Variants in OPA3 observed in about 807,000 individuals in gnomAD.
The protein encoded by OPA3 is outer mitochondrial membrane lipid metabolism regulator OPA3, also known as optic atrophy 3 protein.
Under a neutral mutation model 4.0 loss-of-function variants are expected in OPA3, and 6 were observed. The observed-to-expected ratio is 1.51, with a 90% CI of 0.83 to 2.99. The LOEUF (loss-of-function observed/expected upper bound fraction) is 2.99. Among genes scored for constraint, OPA3 ranks in the 30% most tolerant of loss-of-function variants. The pLI is 0.00. For missense variants in OPA3, 235 were observed against 256.2 expected (o/e 0.92, Z 0.56); for synonymous variants, 105 against 117.1 (o/e 0.90, Z 0.67).
At chr19:45,540,640 C>T (rs901486437) in intron 1 of OPA3, among the ~76,000 whole-genome samples, 1 of 149,134 alleles carries the variant, frequency 6.7e-6, no homozygotes, top group Non-Finnish European at 1.5e-5. Context: ...CTGAGGCGGG[C>T]GGATCACCTG....
intron 1 of OPA3, among the ~76,000 whole-genome samples, chr19:45,581,101 G>A (rs560878855): frequency 2.6e-5 from 4 of 152,216 alleles, no homozygotes; most frequent in East Asian, 1.9e-4. Context: ...CTATAAACCA[G>A]AGGAAGTCAT....
chr19:45,529,566 A>G lies in OPA3; in HGVS notation c.143-110T>C, dbSNP rs540115623. ...TAGCAATGGGGATGTGGTCACCACA[A>G]TCGGACGCGTGCTGGCGGGGACGCC... is the stretch of plus-strand genomic sequence containing the variant. On this transcript the variant is annotated intron_variant, in intron 1 of 1. Coordinates refer to the OPA3 transcript ENST00000323060. 7.1e-5 allele frequency: 97 copies of G among 1,358,692 alleles called. No homozygotes were observed. In the African/African-American group the frequency reaches 1.2e-3, roughly 17 times the overall value. The allele number at this position is 1,358,692 out of a possible 1,614,324, so 84.2% of individuals were successfully genotyped here.
At chr19:45,579,323 T>G (rs1568411645) in intron 1 of OPA3, among the ~76,000 whole-genome samples, 1 of 152,082 alleles carries the variant, frequency 6.6e-6, no homozygotes, top group Non-Finnish European at 1.5e-5. Context: ...TGGGTTCAAG[T>G]GATTCTCCTG....
rs1969307881 is a variant in OPA3, at chr19:45,549,971, A to T, written c.*3543T>A. On this transcript the variant is annotated 3_prime_UTR_variant, in exon 2 of 2. Transcript: ENST00000263275. ...TCAGGAGTTCAAGATCAGCCTGGGC[A>T]ACTTGGAGAAACCCCGTCTCCACTA... 1.4e-6 allele frequency: 1 copy of T among 718,200 alleles called. No individual in the cohort carries two copies. The highest frequency in any genetic ancestry group is 1.9e-5 in the African/African-American group (1 of 52,218). 44.5% of individuals were successfully genotyped at this position (718,200 alleles called of 1,614,324 possible). A position where few individuals can be genotyped will look rare whatever the true frequency, so the allele number is the denominator to read the frequency against.
intron 1 of OPA3, among the ~76,000 whole-genome samples, chr19:45,560,904 A>G (rs1179679745): frequency 6.6e-6 from 1 of 152,188 alleles, no homozygotes; most frequent in African/African-American, 2.4e-5. Context: ...GTACTTGGCC[A>G]CAGTTAACTA....
chr19:45,575,885 C>T (rs140760963), intron 1 of OPA3, among the ~76,000 whole-genome samples: 1 of 152,320 alleles, frequency 6.6e-6, no homozygotes, highest in Non-Finnish European at 1.5e-5. Context: ...GGATAACAGG[C>T]ATGAACCACC....
intron 1 of OPA3, among the ~76,000 whole-genome samples, chr19:45,566,827 T>C (rs568609900): frequency 6.6e-6 from 1 of 152,164 alleles, no homozygotes; most frequent in African/African-American, 2.4e-5. Flanking sequence ...CCAGAAATTT[T>C]ACTCCTAGAT....
Position 45,553,630 on chromosome 19 carries a change from C to G in OPA3, c.424G>C (p.Ala142Pro), listed in dbSNP as rs535683352. ...ALEALQAQVQ[A>P]APPQGALEEL... is the part of the protein sequence containing the mutation. ...TCCAGGGCGCCCTGTGGCGGCGCCGCCTGCACCTGCGCCTGCAGCGCTTCC... is the reference window on the plus strand; with the variant it reads ...TCCAGGGCGCCCTGTGGCGGCGCCGGCTGCACCTGCGCCTGCAGCGCTTCC... Residue 142 changes from alanine (A) to proline (P), a missense_variant, in exon 2 of 2, where the codon GCG (alanine) becomes CCG (proline). Transcript: ENST00000263275. 5.0e-6 allele frequency: 8 copies of G among 1,606,430 alleles called. No homozygotes were observed. The African/African-American group carries it at 1.1e-4, about 21-fold the overall frequency.
rs181732482 is a variant in OPA3 at position 45,556,094 on chromosome 19, T to C, written c.143-2183A>G. ...ATCCTTCACAACTACTTAAGGTTAA[T>C]GAAGAAAAGTTTTACTTGTCAACTT... On this transcript the variant is annotated intron_variant, in intron 1 of 1. Coordinates refer to ENST00000263275, the MANE Select transcript of OPA3 (RefSeq NM_025136.4). Among the ~76,000 whole-genome samples the C allele has an allele frequency of 8.5e-5, 13 of 152,298 alleles. No homozygotes were observed. In the East Asian group the frequency reaches 2.1e-3, roughly 25 times the overall value.
At chr19:45,555,296 A>C (rs1969404217) in intron 1 of OPA3, among the ~76,000 whole-genome samples, 2 of 152,280 alleles carry the variant, frequency 1.3e-5, no homozygotes, top group Non-Finnish European at 2.9e-5. Context: ...GAACAAAAAG[A>C]AACCATGTGA....
At chr19:45,542,174 T>A (rs1969192905), downstream of OPA3, among the ~76,000 whole-genome samples, 1 of 152,210 alleles carries the variant, frequency 6.6e-6, no homozygotes, top group Admixed American at 6.5e-5. Flanking sequence ...TGAGCCATGC[T>A]GTGGTCCTCA....
At chr19:45,542,477 G>T (rs1969196167), downstream of OPA3, among the ~76,000 whole-genome samples, 1 of 152,134 alleles carries the variant, frequency 6.6e-6, no homozygotes, top group South Asian at 2.1e-4. Context: ...AACCTAAACA[G>T]CATGTGACTG....
At chr19:45,583,155 CTT>C (rs368045812) in intron 1 of OPA3, among the ~76,000 whole-genome samples, 8 of 145,890 alleles carry the variant, frequency 5.5e-5, no homozygotes, top group African/African-American at 1.5e-4. Flanking sequence ...CACAGATCAC[CTT>C]TTTTTTTTTT....
chr19:45,580,493 A>G (rs1024959400), intron 1 of OPA3, among the ~76,000 whole-genome samples: 3 of 150,704 alleles, frequency 2.0e-5, no homozygotes, highest in African/African-American at 4.9e-5. Context: ...GGGTTTCTCC[A>G]TGTTGGTGAG....
At chr19:45,535,140 T>C (rs1294003551) in intron 1 of OPA3, among the ~76,000 whole-genome samples, 1 of 152,158 alleles carries the variant, frequency 6.6e-6, no homozygotes, top group Non-Finnish European at 1.5e-5. Context: ...TCCATGAACA[T>C]GGTATTCTCT....
At position 45,553,581 on chromosome 19, in the gene OPA3, T is replaced by C. The variant is rs1290471043; in HGVS notation, c.473A>G (p.Glu158Gly). 6.2e-7 allele frequency: 1 copy of C among 1,612,638 alleles called. No homozygotes were observed. The highest frequency in any genetic ancestry group is 2.2e-5 in the East Asian group (1 of 44,880). ...ALEELRTELQ[E>G]VRAQLCNPGR... ...GGGATTGCAGAGCTGGGCGCGCACC[T>C]CTTGCAGCTCTGTGCGCAGTTCCTC... The change falls in exon 2 of 2, where the codon GAG (glutamate) becomes GGG (glycine). Residue 158 changes from glutamate (E) to glycine (G), a missense_variant. Coordinates refer to ENST00000263275, the MANE Select transcript of OPA3 (RefSeq NM_025136.4).
Position 45,547,692 on chromosome 19 carries a change from A to G in OPA3, c.*5822T>C, listed in dbSNP as rs1182495548. The G allele has an allele frequency of 6.6e-6, 1 of 152,030 alleles. No individual in the cohort carries two copies. The highest frequency in any genetic ancestry group is 1.9e-4 in the East Asian group (1 of 5,196). The allele number at this position is 152,030 out of a possible 1,614,324, so 9.4% of individuals were successfully genotyped here. ...CTCAGTCCTCATCACCCTATGCTGGATTAGCTTTTTCCTTTTTTTTTTGAG... is the reference window on the plus strand; with the variant it reads ...CTCAGTCCTCATCACCCTATGCTGGGTTAGCTTTTTCCTTTTTTTTTTGAG... On this transcript the variant is annotated 3_prime_UTR_variant, in exon 2 of 2. Transcript: ENST00000263275.
rs1343398465 is a variant in OPA3, at chr19:45,548,375, A to G, written c.*5139T>C. 1 of 985,366 alleles carries G rather than the reference A, an allele frequency of 1.0e-6. No individual in the cohort carries two copies. The highest frequency in any genetic ancestry group is 1.7e-5 in the African/African-American group (1 of 57,232). The allele number at this position is 985,366 out of a possible 1,614,324, so 61.0% of individuals were successfully genotyped here. On this transcript the variant is annotated 3_prime_UTR_variant, in exon 2 of 2. Transcript: ENST00000263275. ...GAGGGACAGCAGGGCCTGCCAGGAG[A>G]TGGGAGGGGCACAGCCCTCAGGGCA... is the stretch of plus-strand genomic sequence containing the variant.
In OPA3 at chr19:45,550,330, C is replaced by G. The variant is rs1029106202; in HGVS notation, c.*3184G>C. ...CCCTCCCACTTTCACCTGCAGCTTC[C>G]CAAAAGCGGGCCCAGGTGGAATGGT... On this transcript the variant is annotated 3_prime_UTR_variant, in exon 2 of 2. Transcript: ENST00000263275. 1.0e-6 allele frequency: 1 copy of G among 985,318 alleles called. No homozygotes were observed. The highest frequency in any genetic ancestry group is 1.7e-5 in the African/African-American group (1 of 57,196). 61.0% of individuals were successfully genotyped at this position (985,318 alleles called of 1,614,324 possible).
Sources: gnomAD v4.1 joint callset for allele counts (sites outside exome capture counted in the v4.1 genomes callset) on GRCh38, gnomAD v4.1.1 for gene constraint, MANE v1.5 for transcripts, NCBI Gene and HGNC (gene_info 2026-07-23, HGNC 2026-07-21) for gene names.